ASXL1: variants seen among roughly 807,000 people sequenced by gnomAD.
ASXL1 encodes the protein ASXL transcriptional regulator 1, also known as polycomb group protein ASXL1.
In ASXL1, 65 loss-of-function variants were observed where a neutral mutation model predicts 89.1. The observed-to-expected ratio is 0.73, with a 90% CI of 0.60 to 0.90. ASXL1 has a LOEUF of 0.90. Among genes scored for constraint, ASXL1 ranks in the 40% least tolerant of loss-of-function variants. The pLI is 0.00. For missense variants in ASXL1, 1,786 were observed against 1,942.9 expected, an observed-to-expected ratio of 0.92 and a Z score of 1.52; for synonymous variants, 739 against 746.9, an observed-to-expected ratio of 0.99 and a Z score of 0.17.
chr20:32,406,930 A>G (rs1347455314), intron 4 of ASXL1, among the ~76,000 whole-genome samples: 1 of 152,144 alleles, frequency 6.6e-6, no homozygotes, highest in East Asian at 1.9e-4. Context: ...CCACTTTTGT[A>G]TGGATGCCTA....
intron 4 of ASXL1, among the ~76,000 whole-genome samples, chr20:32,381,143 A>G (rs2048479105): frequency 6.6e-6 from 1 of 152,214 alleles, no homozygotes; most frequent in Non-Finnish European, 1.5e-5. Flanking sequence ...GGTGCTAATA[A>G]ATATTGGCTG....
chr20:32,402,230 C>A (rs192667907), intron 4 of ASXL1, among the ~76,000 whole-genome samples: 195 of 152,260 alleles, frequency 1.3e-3, no homozygotes, highest in Admixed American at 2.7e-3. Context: ...ATTTCTCCCC[C>A]CTAAATTACA....
intron 2 of ASXL1, 108 bp from the exon 3 acceptor site, chr20:32,367,619 T>C (rs1405755809): frequency 2.6e-6 from 2 of 760,950 alleles, no homozygotes; most frequent in African/African-American, 3.4e-5. Context: ...TTTATTTGAC[T>C]TGTACTTATC....
intron 4 of ASXL1, among the ~76,000 whole-genome samples, chr20:32,392,441 C>T (rs1312473148): frequency 6.6e-6 from 1 of 151,434 alleles, no homozygotes; most frequent in East Asian, 2.0e-4. Context: ...TGCCACCATG[C>T]CCAGCTAATT....
intron 1 of ASXL1, among the ~76,000 whole-genome samples, chr20:32,361,200 A>C (rs977210770): frequency 6.6e-6 from 1 of 152,218 alleles, no homozygotes; most frequent in African/African-American, 2.4e-5. Context: ...CAACAAAATG[A>C]GCTGGGCATG....
At chr20:32,383,878 G>A (rs557903838) in intron 4 of ASXL1, among the ~76,000 whole-genome samples, 1 of 152,144 alleles carries the variant, frequency 6.6e-6, no homozygotes, top group Non-Finnish European at 1.5e-5. Context: ...TCCATCTCTC[G>A]TGGGCTCCAC....
chr20:32,367,488 C>G (rs922334723), intron 2 of ASXL1, among the ~76,000 whole-genome samples: 3 of 152,230 alleles, frequency 2.0e-5, no homozygotes, highest in African/African-American at 7.2e-5. Context: ...TTTTGCTAGT[C>G]AAACTTAGCT....
At chr20:32,367,226 G>T (rs1455990007) in intron 2 of ASXL1, among the ~76,000 whole-genome samples, 1 of 152,066 alleles carries the variant, frequency 6.6e-6, no homozygotes, top group East Asian at 1.9e-4. Context: ...ACAATACAAA[G>T]ATTAGCCGGC....
In ASXL1 at chr20:32,438,961, A is replaced by C. The variant is rs2012073633; in HGVS notation, c.*1623A>C. 1.3e-5 allele frequency: 3 copies of C among 233,478 alleles called. No homozygotes were observed. The Admixed American group carries it at 1.7e-4, about 13-fold the overall frequency. The allele number at this position is 233,478 out of a possible 1,614,324, so 14.5% of individuals were successfully genotyped here. On this transcript the variant is annotated 3_prime_UTR_variant, in exon 13 of 13. Transcript: ENST00000375687. ...ATTACAGAGTTGAGGGTTCTTGCTTAATTTAGATCAAGTATAAAATTTGTA... is the reference window on the plus strand; with the variant it reads ...ATTACAGAGTTGAGGGTTCTTGCTTCATTTAGATCAAGTATAAAATTTGTA...
intron 4 of ASXL1, among the ~76,000 whole-genome samples, chr20:32,395,949 T>C (rs779685498): frequency 2.6e-5 from 4 of 151,984 alleles, no homozygotes; most frequent in Non-Finnish European, 4.4e-5. Context: ...CAGGCATGCA[T>C]CACCATGTCT....
At chr20:32,418,263 T>G (rs968975148) in intron 4 of ASXL1, among the ~76,000 whole-genome samples, 2 of 152,100 alleles carry the variant, frequency 1.3e-5, no homozygotes, top group Admixed American at 1.3e-4. Flanking sequence ...TTCCAGCTAC[T>G]TGAGAGGCTG....
intron 1 of ASXL1, among the ~76,000 whole-genome samples, chr20:32,364,241 G>T (rs1364867810): frequency 2.6e-5 from 4 of 151,894 alleles, no homozygotes; most frequent in African/African-American, 9.7e-5. Context: ...TTTGAGACAG[G>T]GTCTCACTCT....
In ASXL1 at chr20:32,436,387, A is replaced by T. The variant is rs753682901; in HGVS notation, c.3675A>T (p.Lys1225Asn). The T allele has an allele frequency of 4.0e-5, 64 of 1,613,688 alleles. No individual in the cohort carries two copies. In the African/African-American group the frequency reaches 6.4e-4, roughly 16 times the overall value. Residue 1225 changes from lysine (K) to asparagine (N), a missense_variant, in exon 13 of 13, where the codon AAA (lysine) becomes AAT (asparagine). Lys to Asn is a moderately conservative substitution (Grantham distance 94). Coordinates refer to ENST00000375687, the MANE Select transcript of ASXL1 (RefSeq NM_015338.6). ...CAAATCCCATTACATCCTCTAGGAA[A>T]CTGGAAGAAATGGATTCCAAAGAGC... is the stretch of plus-strand genomic sequence containing the variant. The part of the protein sequence containing the change: ...PVTNPITSSR[K>N]LEEMDSKEQF...
intron 4 of ASXL1, among the ~76,000 whole-genome samples, chr20:32,399,993 C>T (rs1230178988): frequency 6.6e-6 from 1 of 151,856 alleles, no homozygotes; most frequent in East Asian, 1.9e-4. Flanking sequence ...AACTCCTGAC[C>T]TCAAGTGATC....
Position 32,437,601 on chromosome 20 carries a change from A to C in ASXL1, c.*263A>C. On this transcript the variant is annotated 3_prime_UTR_variant, in exon 13 of 13. Coordinates refer to ENST00000375687, the MANE Select transcript of ASXL1 (RefSeq NM_015338.6). ...CCTGCAAGACAGAGCCTGATGTGGC[A>C]CGGAGTGGGGTTGCGGGGGGTGGGG... 7.9e-6 allele frequency: 4 copies of C among 506,628 alleles called. No homozygotes were observed. The highest frequency in any genetic ancestry group is 1.4e-5 in the Non-Finnish European group (4 of 283,366). 31.4% of individuals were successfully genotyped at this position (506,628 alleles called of 1,614,324 possible). A position where few individuals can be genotyped will look rare whatever the true frequency, so the allele number is the denominator to read the frequency against.
At chr20:32,418,616 T>C (rs532577927) in intron 4 of ASXL1, among the ~76,000 whole-genome samples, 1 of 152,122 alleles carries the variant, frequency 6.6e-6, no homozygotes, top group Admixed American at 6.6e-5. Flanking sequence ...CTCCTCCTAG[T>C]CCCTAGCATC....
chr20:32,358,904 G>C (rs557072958), intron 1 of ASXL1, 72 bp downstream of exon 1: 10 of 1,389,534 alleles, frequency 7.2e-6, no homozygotes, highest in African/African-American at 4.6e-5. Context: ...CCCCCCACTG[G>C]GGGGGGAGGG....
In ASXL1 at chr20:32,429,927, G is replaced by C. The variant is rs376793343; in HGVS notation, c.592G>C (p.Glu198Gln). The C allele has an allele frequency of 6.2e-7, 1 of 1,608,154 alleles. No individual in the cohort carries two copies. Among genetic ancestry groups the C allele is most frequent in the Admixed American group, 1.7e-5 (1 of 59,880 alleles). The change falls in exon 8 of 13, where the codon GAG becomes CAG. Residue 198 changes from glutamate (E) to glutamine (Q), a missense_variant. Glu to Gln is a conservative substitution (Grantham distance 29, BLOSUM62 2). Around this residue, in one of 3 missense-constraint regions of ASXL1, gnomAD observed 332 missense variants for 449.7 expected, o/e 0.74. Coordinates refer to ENST00000375687, the MANE Select transcript of ASXL1 (RefSeq NM_015338.6). The surrounding 1 kb of genome is among the most constrained non-coding windows in gnomAD (Gnocchi z 4.9). ...GTTCTCGGGCTGCCACGCCGATGGC[G>C]AGAGCGGCAGCCCGTCCAGCAGCAG... Reference protein sequence around the residue: ...SGFSGCHADGESGSPSSSSSG... With the variant: ...SGFSGCHADGQSGSPSSSSSG...
intron 1 of ASXL1, among the ~76,000 whole-genome samples, chr20:32,361,161 CA>C (rs1307105759): frequency 1.3e-5 from 2 of 152,174 alleles, no homozygotes; most frequent in African/African-American, 2.4e-5. Flanking sequence ...TGAGCCTGGG[CA>C]ACATAGACCC....
Sources: allele counts gnomAD v4.1 joint callset (sites outside exome capture counted in the v4.1 genomes callset), GRCh38; gene constraint gnomAD v4.1.1; regional missense constraint gnomAD v4.1.1; non-coding constraint Gnocchi (gnomAD v3.1); transcripts MANE v1.5; gene names NCBI Gene and HGNC (gene_info 2026-07-23, HGNC 2026-07-21).